Variants in CFAP61 observed in about 807,000 individuals in gnomAD.
CFAP61 encodes the protein cilia- and flagella-associated protein 61.
Under a neutral mutation model 135.6 loss-of-function variants are expected in CFAP61, and 107 were observed. The ratio of observed to expected loss-of-function variants is 0.79; its 90% CI spans 0.67 to 0.93. CFAP61 has a LOEUF of 0.93. CFAP61 is among the 40% of genes least tolerant of loss of function. The pLI, the probability that CFAP61 is intolerant of heterozygous loss-of-function variation, is 0.00. For synonymous variants in CFAP61, 575 were observed against 578.5 expected (o/e 0.99, Z 0.09); for missense variants, 1,507 against 1,556.2 (o/e 0.97, Z 0.53).
chr20:20,296,111 C>CTTT (rs2055480148), intron 24 of CFAP61, among the ~76,000 whole-genome samples: 1 of 2,894 alleles, frequency 3.5e-4, no homozygotes, highest in Non-Finnish European at 6.7e-4. Flanking sequence ...CCTTCCCTCC[C>CTTT]TCCTTCCCTT....
intron 20 of CFAP61, among the ~76,000 whole-genome samples, chr20:20,256,051 C>T (rs1178912536): frequency 6.6e-6 from 1 of 152,142 alleles, no homozygotes; most frequent in Non-Finnish European, 1.5e-5. Flanking sequence ...CTCCCAGGCC[C>T]CACTGATCCC....
At chr20:20,158,472 T>A (rs908332714) in intron 9 of CFAP61, among the ~76,000 whole-genome samples, 1 of 152,026 alleles carries the variant, frequency 6.6e-6, no homozygotes, top group Non-Finnish European at 1.5e-5. Context: ...ACTACACGTC[T>A]ATTAGAATGA....
At chr20:20,168,180 T>A (rs1412503808) in intron 12 of CFAP61, among the ~76,000 whole-genome samples, 4 of 152,108 alleles carry the variant, frequency 2.6e-5, no homozygotes, top group Non-Finnish European at 5.9e-5. Context: ...CAAGGGATCT[T>A]CCTGCCTCAG....
intron 17 of CFAP61, chr20:20,214,197 G>A (rs1414397583): frequency 6.6e-6 from 1 of 152,108 alleles, no homozygotes; most frequent in Non-Finnish European, 1.5e-5. Context: ...CCCATACTCG[G>A]TGCTTTTGTT....
chr20:20,097,316 A>C (rs1314467702), intron 7 of CFAP61, among the ~76,000 whole-genome samples: 1 of 152,210 alleles, frequency 6.6e-6, no homozygotes, highest in Non-Finnish European at 1.5e-5. Flanking sequence ...CAGTAAATGC[A>C]GGTTTCTAAT....
chr20:20,304,922 A>G (rs1023263766), intron 25 of CFAP61, among the ~76,000 whole-genome samples: 1 of 152,130 alleles, frequency 6.6e-6, no homozygotes, highest in Non-Finnish European at 1.5e-5. Context: ...GGTCTCGCCT[A>G]CAGAATCTCT....
chr20:20,240,611 C>A (rs573782841), intron 18 of CFAP61, among the ~76,000 whole-genome samples: 5 of 151,678 alleles, frequency 3.3e-5, no homozygotes, highest in African/African-American at 1.2e-4. Flanking sequence ...TAATAAGGAT[C>A]TTCTCATATC....
At chr20:20,056,259 C>T (rs1360143431) in intron 1 of CFAP61, among the ~76,000 whole-genome samples, 1 of 152,202 alleles carries the variant, frequency 6.6e-6, no homozygotes, top group African/African-American at 2.4e-5. Context: ...GTCAGTATTT[C>T]CCCAGTAACT....
chr20:20,098,756 C>G lies in CFAP61; in HGVS notation c.801C>G (p.Phe267Leu), dbSNP rs267605851. 2.5e-6 allele frequency: 4 copies of G among 1,614,014 alleles called. No homozygotes were observed. Among genetic ancestry groups the G allele is most frequent in the Non-Finnish European group, 2.5e-6 (3 of 1,180,002 alleles). The change falls in exon 8 of 27, where the codon TTC (phenylalanine) becomes TTG (leucine). Residue 267 changes from phenylalanine to leucine, a missense_variant. Transcript: ENST00000245957. Reference sequence around the variant, plus strand: ...TGGGCCCTTTCCACGGACTCTGTTTCCCACATCCTGATGACGTTCTGGAAT... The same window carrying G: ...TGGGCCCTTTCCACGGACTCTGTTTGCCACATCCTGATGACGTTCTGGAAT... The part of the protein sequence containing the change: ...FDLGPFHGLC[F>L]PHPDDVLESP...
chr20:20,091,144 G>A (rs943568463), intron 7 of CFAP61, among the ~76,000 whole-genome samples, 168 bp downstream of exon 7: 1 of 152,156 alleles, frequency 6.6e-6, no homozygotes, highest in African/African-American at 2.4e-5. Context: ...CCTCCCCTGG[G>A]TTACTGGCTT....
chr20:20,232,217 A>G (rs1333604981), intron 18 of CFAP61, among the ~76,000 whole-genome samples: 2 of 151,996 alleles, frequency 1.3e-5, no homozygotes, highest in Admixed American at 1.3e-4. Context: ...AAACTCCACA[A>G]ACCCTCTCAG....
intron 18 of CFAP61, among the ~76,000 whole-genome samples, chr20:20,244,069 C>T (rs1480474489): frequency 1.3e-5 from 2 of 152,224 alleles, no homozygotes; most frequent in African/African-American, 4.8e-5. Context: ...TGGGCAGCTC[C>T]ACCCCTGTGG....
chr20:20,242,574 G>T (rs950824077), intron 18 of CFAP61, among the ~76,000 whole-genome samples: 5 of 152,174 alleles, frequency 3.3e-5, no homozygotes, highest in Admixed American at 2.6e-4. Context: ...TTGTAACCTT[G>T]AACAAATTAC....
At chr20:20,078,895 G>T (rs192730219) in intron 6 of CFAP61, among the ~76,000 whole-genome samples, 3 of 152,288 alleles carry the variant, frequency 2.0e-5, no homozygotes. Flanking sequence ...CCAGTATCAG[G>T]AATGAAAGAG....
intron 2 of CFAP61, among the ~76,000 whole-genome samples, chr20:20,064,348 T>G (rs2045074845): frequency 6.6e-6 from 1 of 152,230 alleles, no homozygotes; most frequent in Non-Finnish European, 1.5e-5. Flanking sequence ...TTTTCCTCAT[T>G]AAGTTGAGAA....
intron 20 of CFAP61, among the ~76,000 whole-genome samples, chr20:20,256,983 T>A (rs958384205): frequency 6.6e-6 from 1 of 152,138 alleles, no homozygotes; most frequent in Non-Finnish European, 1.5e-5. Context: ...GGTGATCAAA[T>A]TGCATTGAGG....
At chr20:20,286,128 A>G (rs1198859374) in intron 22 of CFAP61, among the ~76,000 whole-genome samples, 2 of 152,134 alleles carry the variant, frequency 1.3e-5, no homozygotes, top group East Asian at 3.9e-4. Flanking sequence ...ACTAATAAGA[A>G]TCCTCTTATA....
chr20:20,177,938 G>A (rs1005836496), intron 13 of CFAP61, among the ~76,000 whole-genome samples: 4 of 152,062 alleles, frequency 2.6e-5, no homozygotes, highest in African/African-American at 9.7e-5. Flanking sequence ...AATGTATCAT[G>A]TTCTTCTATT....
chr20:20,137,476 C>T (rs746946701), intron 8 of CFAP61, among the ~76,000 whole-genome samples: 1 of 152,138 alleles, frequency 6.6e-6, no homozygotes, highest in African/African-American at 2.4e-5. Flanking sequence ...AAGTACTTTC[C>T]GCTCTTCCCT....
Sources: gnomAD v4.1 joint callset for allele counts (sites outside exome capture counted in the v4.1 genomes callset) on GRCh38, gnomAD v4.1.1 for gene constraint, MANE v1.5 for transcripts, NCBI Gene and HGNC (gene_info 2026-07-23, HGNC 2026-07-21) for gene names.